The following PLEKHA5 variants were observed in gnomAD, a reference collection of about 807,000 sequenced individuals.
PLEKHA5 encodes the protein pleckstrin homology domain-containing family A member 5.
A neutral mutation model predicts 181.9 loss-of-function variants in PLEKHA5; 55 were observed. The ratio of observed to expected loss-of-function variants is 0.30; its 90% CI spans 0.24 to 0.38. PLEKHA5 has a LOEUF of 0.38. Ranked by LOEUF, PLEKHA5 falls within the 10% of genes least tolerant of loss-of-function variation. PLEKHA5 has a pLI of 1.00. For missense variants in PLEKHA5, 1,432 were observed against 1,549.5 expected (o/e 0.92, Z 1.27); for synonymous variants, 535 against 529.4 (o/e 1.01, Z -0.15).
At chr12:19,249,280 TAAGTA>T (rs1209678447) in intron 3 of PLEKHA5, among the ~76,000 whole-genome samples, 1 of 152,138 alleles carries the variant, frequency 6.6e-6, no homozygotes, top group South Asian at 2.1e-4. Flanking sequence ...GGGTCATTAT[TAAGTA>T]AAGTAAAGGT....
At chr12:19,287,204 A>G (rs983421464) in intron 12 of PLEKHA5, among the ~76,000 whole-genome samples, 4 of 151,916 alleles carry the variant, frequency 2.6e-5, no homozygotes, top group African/African-American at 9.7e-5. Context: ...GGGTTTCACC[A>G]TGTTGGCTAG....
At chr12:19,347,829 C>T (rs1565647234) in intron 24 of PLEKHA5, among the ~76,000 whole-genome samples, 3 of 150,198 alleles carry the variant, frequency 2.0e-5, no homozygotes, top group South Asian at 2.1e-4. Flanking sequence ...TTTTAGCCCT[C>T]AATTATTCCA....
At chr12:19,326,698 G>A (rs951108952) in intron 20 of PLEKHA5, among the ~76,000 whole-genome samples, 9 of 152,136 alleles carry the variant, frequency 5.9e-5, no homozygotes, top group Non-Finnish European at 1.3e-4. Flanking sequence ...CATAGTACTC[G>A]ATTTCAACCT....
chr12:19,258,106 G>A (rs943186276), intron 6 of PLEKHA5, among the ~76,000 whole-genome samples: 9 of 151,562 alleles, frequency 5.9e-5, no homozygotes, highest in Middle Eastern at 3.2e-3. Context: ...ACTCTCAGGC[G>A]TCCTGATTGG....
chr12:19,258,980 T>G (rs940762048), intron 6 of PLEKHA5, among the ~76,000 whole-genome samples: 1 of 152,248 alleles, frequency 6.6e-6, no homozygotes, highest in African/African-American at 2.4e-5. Context: ...GCATTCCTTA[T>G]TTAAAATAGC....
intron 15 of PLEKHA5, among the ~76,000 whole-genome samples, chr12:19,310,940 T>C (rs1404760085): frequency 6.6e-6 from 1 of 152,182 alleles, no homozygotes; most frequent in African/African-American, 2.4e-5. Flanking sequence ...TTTTTGCTAG[T>C]GGAAGGTCTT....
At chr12:19,292,439 G>A (rs1309481039) in intron 15 of PLEKHA5, among the ~76,000 whole-genome samples, 2 of 152,100 alleles carry the variant, frequency 1.3e-5, no homozygotes, top group Non-Finnish European at 2.9e-5. Context: ...GAGAGAGAGG[G>A]AGGGAGTAAG....
In PLEKHA5 at chr12:19,266,150, G is replaced by GT. The variant is rs1371374383; in HGVS notation, c.711+306dup. On this transcript the variant is annotated intron_variant, in intron 8 of 31. Coordinates refer to ENST00000429027, the MANE Select transcript of PLEKHA5 (RefSeq NM_001256470.2). ...ATGGATGTCCTGGTGATTATTATAC[G>GT]TTTTTTCAACGTTACTGTATGTTTG... Among the ~76,000 whole-genome samples the GT allele has an allele frequency of 7.2e-5, 11 of 152,074 alleles. No individual in the cohort carries two copies. The East Asian group carries it at 1.9e-3, about 27-fold the overall frequency.
intron 10 of PLEKHA5, among the ~76,000 whole-genome samples, chr12:19,271,619 A>G (rs1280485287): frequency 2.6e-5 from 4 of 152,242 alleles, no homozygotes; most frequent in Non-Finnish European, 4.4e-5. Context: ...AATAATTTCA[A>G]TATTGTATAT....
chr12:19,292,955 G>A (rs530406338), intron 15 of PLEKHA5, among the ~76,000 whole-genome samples: 3 of 151,880 alleles, frequency 2.0e-5, no homozygotes, highest in Non-Finnish European at 4.4e-5. Flanking sequence ...AAAGAAAGTG[G>A]CATTTAACAA....
intron 3 of PLEKHA5, among the ~76,000 whole-genome samples, chr12:19,230,590 T>C (rs1350729924): frequency 6.6e-6 from 1 of 152,198 alleles, no homozygotes; most frequent in Non-Finnish European, 1.5e-5. Context: ...CCTCCACAGC[T>C]GCTGGCCTGG....
rs141027661 is a variant in PLEKHA5, at chr12:19,344,005, T to A, written c.2662+571T>A. On this transcript the variant is annotated intron_variant, in intron 22 of 31. Transcript: ENST00000429027. Reference sequence around the variant, plus strand: ...AGGTGGAGGTTGCAGTGAGCCAAGATCATGCCAGTGTGCTCCAGCATGGGC... The same window carrying A: ...AGGTGGAGGTTGCAGTGAGCCAAGAACATGCCAGTGTGCTCCAGCATGGGC... 7.2e-3 allele frequency among the ~76,000 whole-genome samples: 1,080 copies of A among 150,128 alleles called. 8 individuals are homozygous for A. Among genetic ancestry groups the A allele is most frequent in the African/African-American group, 0.025 (1,036 of 40,726 alleles).
intron 3 of PLEKHA5, among the ~76,000 whole-genome samples, chr12:19,159,961 C>T (rs1159271030): frequency 6.6e-6 from 1 of 151,958 alleles, no homozygotes; most frequent in East Asian, 1.9e-4. Context: ...CTTCAGATGA[C>T]AATTTTGTGG....
intron 3 of PLEKHA5, among the ~76,000 whole-genome samples, chr12:19,176,924 C>T (rs936155609): frequency 4.6e-5 from 7 of 151,886 alleles, no homozygotes; most frequent in African/African-American, 1.2e-4. Flanking sequence ...AGTGGAGTGG[C>T]ACGATCTTGG....
At chr12:19,181,754 TAACA>T (rs1475634616) in intron 3 of PLEKHA5, among the ~76,000 whole-genome samples, 6 of 152,080 alleles carry the variant, frequency 3.9e-5, no homozygotes, top group East Asian at 1.9e-4. Context: ...TCAGCCTGGG[TAACA>T]AACAGAGTGA....
chr12:19,139,811 T>G (rs1166636152), intron 3 of PLEKHA5, among the ~76,000 whole-genome samples: 1 of 152,122 alleles, frequency 6.6e-6, no homozygotes, highest in African/African-American at 2.4e-5. Flanking sequence ...GTAAAGTCAC[T>G]GGAAAGATGA....
In PLEKHA5 at chr12:19,256,785, C is replaced by G. The variant is rs577779878; in HGVS notation, c.433-648C>G. 1.1e-4 allele frequency among the ~76,000 whole-genome samples: 17 copies of G among 152,182 alleles called. No individual in the cohort carries two copies. The South Asian group carries it at 3.3e-3, about 30-fold the overall frequency. On this transcript the variant is annotated intron_variant, in intron 5 of 31. Coordinates refer to ENST00000429027, the MANE Select transcript of PLEKHA5 (RefSeq NM_001256470.2). ...TTGTTGGTCACCATTATGATTCCTG[C>G]CAAAATAAATCTTCATGGTAACCAT... is the stretch of plus-strand genomic sequence containing the variant.
chr12:19,232,817 T>C, intron 3 of PLEKHA5, among the ~76,000 whole-genome samples: 1 of 152,156 alleles, frequency 6.6e-6, no homozygotes, highest in East Asian at 1.9e-4. Flanking sequence ...ATGAAAAATA[T>C]CTGAACTATT....
At chr12:19,215,176 C>CA (rs57615722) in intron 3 of PLEKHA5, among the ~76,000 whole-genome samples, 15,788 of 142,884 alleles carry the variant, frequency 0.11, 1,239 homozygotes, top group African/African-American at 0.23. Context: ...GATTCCGTCT[C>CA]AAAAAAAAAA....
Sources: allele counts gnomAD v4.1 joint callset (sites outside exome capture counted in the v4.1 genomes callset), GRCh38; gene constraint gnomAD v4.1.1; transcripts MANE v1.5; gene names NCBI Gene and HGNC (gene_info 2026-07-23, HGNC 2026-07-21).